CELSR1: variants seen among roughly 807,000 people sequenced by gnomAD.
CELSR1 encodes the protein cadherin EGF LAG seven-pass G-type receptor 1.
CELSR1 carries 110 observed loss-of-function variants against 249.1 expected under a neutral mutation model. That is an observed-to-expected ratio of 0.44 (90% CI 0.38 to 0.52). The LOEUF (loss-of-function observed/expected upper bound fraction) is 0.52. CELSR1 is among the 20% of genes least tolerant of loss of function. The pLI is 0.00. For missense variants in CELSR1, 4,109 were observed against 4,296.4 expected (o/e 0.96, Z 1.22); for synonymous variants, 2,113 against 1,900.0 (o/e 1.11, Z -2.92).
rs114651970 is a variant in CELSR1, at chr22:46,517,884, C to T, written c.3544+15743G>A. Among the ~76,000 whole-genome samples, 1,143 of 148,346 alleles carry T rather than the reference C, an allele frequency of 7.7e-3. 18 individuals carry two copies. The highest frequency in any genetic ancestry group is 0.027 in the African/African-American group (1,097 of 40,372). ...GTCCCCATATTCTGTTTATTACACA[C>T]CTCCCACGGTGTCCCCTTCCTTTTT... is the stretch of plus-strand genomic sequence containing the variant. On this transcript the variant is annotated intron_variant, in intron 1 of 34. Transcript: ENST00000674500. The surrounding 1 kb of genome is among the most constrained non-coding windows in gnomAD (Gnocchi z 5.4).
intron 1 of CELSR1, among the ~76,000 whole-genome samples, chr22:46,465,025 C>T (rs531428603): frequency 1.3e-5 from 2 of 152,344 alleles, no homozygotes; most frequent in East Asian, 3.9e-4. Context: ...GCAGTAAACA[C>T]ATCATCAAGT....
At chr22:46,483,787 C>T (rs949425390) in intron 1 of CELSR1, among the ~76,000 whole-genome samples, 11 of 152,278 alleles carry the variant, frequency 7.2e-5, no homozygotes, top group Admixed American at 7.2e-4. Flanking sequence ...CGCCATCTTC[C>T]TGCCAAGGTA....
Position 46,434,321 on chromosome 22 carries a change from C to T in CELSR1, c.4523-840G>A, listed in dbSNP as rs977687885. 6.6e-6 allele frequency among the ~76,000 whole-genome samples: 1 copy of T among 152,200 alleles called. No homozygotes were observed. The highest frequency in any genetic ancestry group is 2.4e-5 in the African/African-American group (1 of 41,444). On this transcript the variant is annotated intron_variant, in intron 4 of 34. Coordinates refer to ENST00000674500, the MANE Select transcript of CELSR1 (RefSeq NM_001378328.1). This position sits in a 1 kb window ranked among gnomAD's most constrained non-coding sequence, Gnocchi z 4.9. ...CCTTTGGGGATTCTGGGGCACAACC[C>T]TGAGTCAGCAGCAGCAGCTGGGAGG... is the stretch of plus-strand genomic sequence containing the variant.
chr22:46,507,061 C>T (rs1462185797), intron 1 of CELSR1, among the ~76,000 whole-genome samples: 1 of 152,144 alleles, frequency 6.6e-6, no homozygotes. Context: ...TGGTGTGTGC[C>T]TATAATCCCA....
chr22:46,515,846 T>A (rs1473783947), intron 1 of CELSR1, among the ~76,000 whole-genome samples: 3 of 152,184 alleles, frequency 2.0e-5, no homozygotes, highest in Admixed American at 6.5e-5. Context: ...CACAGCACAG[T>A]CGACTGGGGT....
Position 46,410,594 on chromosome 22 carries a change from G to GGGCGGGGAGA in CELSR1, c.4770-43_4770-34dup. On this transcript the variant is annotated intron_variant, in intron 6 of 34. Transcript: ENST00000674500. The surrounding 1 kb of genome is among the most constrained non-coding windows in gnomAD (Gnocchi z 6.8). ...GGTAAAGCCATCTTCTGTGACGTCA[G>GGGCGGGGAGA]GGCGGGGAGAGGCGGCCACGGCGGG... The GGGCGGGGAGA allele has an allele frequency of 6.2e-7, 1 of 1,602,822 alleles. No homozygotes were observed. Among genetic ancestry groups the GGGCGGGGAGA allele is most frequent in the Non-Finnish European group, 8.5e-7 (1 of 1,171,298 alleles).
chr22:46,460,192 CA>C (rs1569179753), intron 2 of CELSR1, among the ~76,000 whole-genome samples: 3 of 100,474 alleles, frequency 3.0e-5, no homozygotes, highest in East Asian at 3.8e-4. Context: ...CACACACACA[CA>C]CACACACACA....
At chr22:46,456,612 G>A (rs147667459) in intron 2 of CELSR1, among the ~76,000 whole-genome samples, 13,854 of 142,482 alleles carry the variant, frequency 0.097, 735 homozygotes, top group African/African-American at 0.13. Context: ...GCAGTGAGCC[G>A]AGATTGTGCC....
Position 46,431,526 on chromosome 22 carries a change from G to A in CELSR1, c.4611+1867C>T, listed in dbSNP as rs537883127. On this transcript the variant is annotated intron_variant, in intron 5 of 34. Coordinates refer to ENST00000674500, the MANE Select transcript of CELSR1 (RefSeq NM_001378328.1). ...CACCTATGCCCTATGCTTCCCTGAC[G>A]ATGGGGCACCGTCTCCAGGGTCCCC... Among the ~76,000 whole-genome samples, 381 of 152,284 alleles carry A rather than the reference G, an allele frequency of 2.5e-3. 1 individual carries two copies. The highest frequency in any genetic ancestry group is 8.7e-3 in the African/African-American group (362 of 41,574).
chr22:46,405,324 G>A lies in CELSR1; in HGVS notation c.5226+3672C>T, dbSNP rs182201871. ...AAATACAAAAAATTAGCCAGGCGTC[G>A]TGGCAGGGGCCTGTAGCCCCAACTA... On this transcript the variant is annotated intron_variant, in intron 9 of 34. Coordinates refer to ENST00000674500, the MANE Select transcript of CELSR1 (RefSeq NM_001378328.1). Among the ~76,000 whole-genome samples, 22 of 151,834 alleles carry A rather than the reference G, an allele frequency of 1.4e-4. 1 individual carries two copies. Among genetic ancestry groups the A allele is most frequent in the South Asian group, 4.2e-4 (2 of 4,818 alleles).
At chr22:46,385,857 T>G (rs2079027260) in intron 19 of CELSR1, among the ~76,000 whole-genome samples, 1 of 151,924 alleles carries the variant, frequency 6.6e-6, no homozygotes, top group South Asian at 2.1e-4. Flanking sequence ...TTTTGTATTT[T>G]TAGTAGAGAC....
In CELSR1 at chr22:46,463,798, G is replaced by C. The variant is rs750752730; in HGVS notation, c.4092C>G (p.Ile1364Met). 3 of 1,606,982 alleles carry C rather than the reference G, an allele frequency of 1.9e-6. No individual in the cohort carries two copies. Among genetic ancestry groups the C allele is most frequent in the Non-Finnish European group, 2.5e-6 (3 of 1,176,812 alleles). Residue 1364 changes from isoleucine (I) to methionine (M), a missense_variant, in exon 2 of 35, where the codon ATC (isoleucine) becomes ATG (methionine). Physicochemically the swap from Ile to Met is conservative, Grantham distance 10. Transcript: ENST00000674500. ...CGCACGGGTCGGAGTAGCAGAGGTCGATCTCCGTCTCGCAGTAGTCGCCGG... is the reference window on the plus strand; with the variant it reads ...CGCACGGGTCGGAGTAGCAGAGGTCCATCTCCGTCTCGCAGTAGTCGCCGG... Reference protein sequence around the residue: ...GFTGDYCETEIDLCYSDPCGA... With the variant: ...GFTGDYCETEMDLCYSDPCGA...
rs2079633240 is a variant in CELSR1 at position 46,434,378 on chromosome 22, C to A, written c.4523-897G>T. Among the ~76,000 whole-genome samples the A allele has an allele frequency of 6.6e-6, 1 of 152,140 alleles. No homozygotes were observed. The highest frequency in any genetic ancestry group is 6.5e-5 in the Admixed American group (1 of 15,284). On this transcript the variant is annotated intron_variant, in intron 4 of 34. Coordinates refer to ENST00000674500, the MANE Select transcript of CELSR1 (RefSeq NM_001378328.1). The surrounding 1 kb of genome is among the most constrained non-coding windows in gnomAD (Gnocchi z 4.9). ...CTTCAGGGGCACCAAAGGACAGGTG[C>A]GGTGGGTACCAGGTCCCGGGCAGAG...
At chr22:46,475,265 G>T (rs1025569880) in intron 1 of CELSR1, among the ~76,000 whole-genome samples, 2 of 152,012 alleles carry the variant, frequency 1.3e-5, no homozygotes, top group African/African-American at 4.8e-5. Context: ...CCAACTTCAG[G>T]TAGCACAAGA....
chr22:46,525,894 C>A (rs1319198310), intron 1 of CELSR1, among the ~76,000 whole-genome samples: 1 of 152,284 alleles, frequency 6.6e-6, no homozygotes, highest in East Asian at 1.9e-4. Context: ...TTCTGGCACG[C>A]CCAGCAACAT....
chr22:46,522,400 C>G (rs1047352170), intron 1 of CELSR1, among the ~76,000 whole-genome samples: 1 of 152,160 alleles, frequency 6.6e-6, no homozygotes, highest in Non-Finnish European at 1.5e-5. Flanking sequence ...CTGGAGCCCC[C>G]ACGCCTGCGG....
chr22:46,514,447 T>C (rs1213710336), intron 1 of CELSR1, among the ~76,000 whole-genome samples: 3 of 152,078 alleles, frequency 2.0e-5, no homozygotes, highest in African/African-American at 7.2e-5. Flanking sequence ...TGCACTCTGA[T>C]CCCCGGGGGC....
chr22:46,477,520 T>C (rs1354093269), intron 1 of CELSR1, among the ~76,000 whole-genome samples: 2 of 149,780 alleles, frequency 1.3e-5, no homozygotes, highest in African/African-American at 2.4e-5. Flanking sequence ...TTGGCTTTTT[T>C]TTTTTTTTGA....
In CELSR1 at chr22:46,380,169, G is replaced by A. The variant is rs116630720; in HGVS notation, c.7256+619C>T. ...ATCACTCATTTTGCATTTTTCTAAC[G>A]ACGAAACGCCTTTCCCTCGCTTGCA... is the stretch of plus-strand genomic sequence containing the variant. On this transcript the variant is annotated intron_variant, in intron 22 of 34. Coordinates refer to ENST00000674500, the MANE Select transcript of CELSR1 (RefSeq NM_001378328.1). The surrounding 1 kb of genome is among the most constrained non-coding windows in gnomAD (Gnocchi z 5.1). Among the ~76,000 whole-genome samples, 418 of 152,276 alleles carry A rather than the reference G, an allele frequency of 2.7e-3. 3 individuals carry two copies. Among genetic ancestry groups the A allele is most frequent in the African/African-American group, 8.9e-3 (371 of 41,544 alleles).
Sources: allele counts gnomAD v4.1 joint callset (sites outside exome capture counted in the v4.1 genomes callset), GRCh38; gene constraint gnomAD v4.1.1; non-coding constraint Gnocchi (gnomAD v3.1); transcripts MANE v1.5; gene names NCBI Gene and HGNC (gene_info 2026-07-23, HGNC 2026-07-21).